ICAM1: variants seen among roughly 807,000 people sequenced by gnomAD.
ICAM1 encodes the protein intercellular adhesion molecule 1, also known as ICAM-1.
A neutral mutation model predicts 42.3 loss-of-function variants in ICAM1; 28 were observed. The ratio of observed to expected loss-of-function variants is 0.66; its 90% CI spans 0.49 to 0.91. The LOEUF is 0.91. Ranked by LOEUF, ICAM1 falls within the 40% of genes least tolerant of loss-of-function variation. ICAM1 has a pLI of 0.00. For synonymous variants in ICAM1, 304 were observed against 305.9 expected (o/e 0.99, Z 0.07); for missense variants, 637 against 688.6 (o/e 0.93, Z 0.84).
At chr19:10,280,656 G>A (rs140478754) in intron 2 of ICAM1, among the ~76,000 whole-genome samples, 143 of 151,688 alleles carry the variant, frequency 9.4e-4, no homozygotes, top group African/African-American at 3.1e-3. Flanking sequence ...CACAACCTCC[G>A]ACCCCCAGGA....
At position 10,283,803 on chromosome 19, in the gene ICAM1, C is replaced by G; in HGVS notation, c.637+17C>G. 1 of 1,580,276 alleles carries G rather than the reference C, an allele frequency of 6.3e-7. No individual in the cohort carries two copies. The highest frequency in any genetic ancestry group is 8.6e-7 in the Non-Finnish European group (1 of 1,163,196). On this transcript the variant is annotated intron_variant, in intron 3 of 6. Transcript: ENST00000264832. Reference sequence around the variant, plus strand: ...AGACCTTTGGTGAGGATTGAAGAAGCCAGCAGGGAGAAGGTGGGGGTGGGG... The same window carrying G: ...AGACCTTTGGTGAGGATTGAAGAAGGCAGCAGGGAGAAGGTGGGGGTGGGG...
intron 2 of ICAM1, among the ~76,000 whole-genome samples, chr19:10,281,095 G>T (rs185855646): frequency 6.6e-6 from 1 of 150,644 alleles, no homozygotes; most frequent in Non-Finnish European, 1.5e-5. Context: ...GGATGGTCTT[G>T]ATCTCCTGAC....
chr19:10,275,770 T>C (rs1461275385), intron 2 of ICAM1, among the ~76,000 whole-genome samples: 1 of 146,088 alleles, frequency 6.8e-6, no homozygotes, highest in Admixed American at 6.9e-5. Context: ...TGCAGTGGTG[T>C]GATCTCGGCT....
rs148562799 is a variant in ICAM1 at position 10,281,268 on chromosome 19, C to T, written c.332-2213C>T. Among the ~76,000 whole-genome samples the T allele has an allele frequency of 3.7e-4, 56 of 151,780 alleles. No individual in the cohort carries two copies. In the East Asian group the frequency reaches 8.5e-3, roughly 23 times the overall value. ...ACAGGCATAAGCCACCACGCCATGCCGAAGCCCAGCTTGTTTTTAATTTTT... is the reference window on the plus strand; with the variant it reads ...ACAGGCATAAGCCACCACGCCATGCTGAAGCCCAGCTTGTTTTTAATTTTT... On this transcript the variant is annotated intron_variant, in intron 2 of 6. Transcript: ENST00000264832.
chr19:10,276,806 T>A (rs2145491946), intron 2 of ICAM1, among the ~76,000 whole-genome samples: 2 of 151,532 alleles, frequency 1.3e-5, no homozygotes, highest in Middle Eastern at 6.8e-3. Flanking sequence ...ACCCCGTCTC[T>A]ATTAAAAATA....
At chr19:10,277,719 C>G (rs886206716) in intron 2 of ICAM1, among the ~76,000 whole-genome samples, 3 of 152,074 alleles carry the variant, frequency 2.0e-5, no homozygotes, top group Non-Finnish European at 4.4e-5. Flanking sequence ...ATCTCCTGAC[C>G]TTGTGATCTG....
intron 2 of ICAM1, among the ~76,000 whole-genome samples, chr19:10,280,999 G>T (rs1274800102): frequency 1.3e-5 from 2 of 151,068 alleles, no homozygotes; most frequent in Non-Finnish European, 2.9e-5. Context: ...TTAGCCTCCT[G>T]AGTAGCTGGG....
At chr19:10,276,371 C>T (rs1365204813) in intron 2 of ICAM1, among the ~76,000 whole-genome samples, 3 of 150,812 alleles carry the variant, frequency 2.0e-5, no homozygotes, top group Non-Finnish European at 4.4e-5. Context: ...TGGTGAAACC[C>T]CGTCTCTACT....
intron 2 of ICAM1, 68 bp downstream of exon 2, chr19:10,275,096 A>AC: frequency 7.9e-6 from 12 of 1,528,390 alleles, no homozygotes; most frequent in South Asian, 2.3e-5. Context: ...GGGCACCTGC[A>AC]GAGGCCTGGG....
chr19:10,271,332 G>A, intron 1 of ICAM1, 106 bp downstream of exon 1: 1 of 970,214 alleles, frequency 1.0e-6, no homozygotes, highest in Middle Eastern at 2.2e-4. Context: ...TGGGAAGGAG[G>A]GGCTAGAGAC....
chr19:10,279,162 T>C (rs776156867), intron 2 of ICAM1, among the ~76,000 whole-genome samples: 5 of 152,034 alleles, frequency 3.3e-5, no homozygotes, highest in Non-Finnish European at 7.4e-5. Context: ...TAGGAGTTCA[T>C]AAGGACAGGC....
At position 10,275,950 on chromosome 19, in the gene ICAM1, C is replaced by T. The variant is rs771717373; in HGVS notation, c.331+922C>T. Among the ~76,000 whole-genome samples, 266 of 151,058 alleles carry T rather than the reference C, an allele frequency of 1.8e-3. 1 individual carries two copies. The highest frequency in any genetic ancestry group is 2.2e-3 in the Non-Finnish European group (146 of 67,746). On this transcript the variant is annotated intron_variant, in intron 2 of 6. Transcript: ENST00000264832. ...GTCTCAATCTCCTGACCTAGTGGTC[C>T]GCCCGCCTCGGCCTCCCAAAGTGCT...
intron 1 of ICAM1, among the ~76,000 whole-genome samples, chr19:10,272,061 G>C (rs981633631): frequency 6.6e-6 from 1 of 152,160 alleles, no homozygotes. Context: ...CCAGGCGGGC[G>C]AATCACTTAA....
At chr19:10,275,151 C>A in intron 2 of ICAM1, 123 bp downstream of exon 2, 1 of 963,508 alleles carries the variant, frequency 1.0e-6, no homozygotes, top group Non-Finnish European at 1.6e-6. Context: ...GGGCTCCTTG[C>A]AGGGCAGGTG....
At position 10,283,352 on chromosome 19, in the gene ICAM1, C is replaced by A. The variant is rs373010242; in HGVS notation, c.332-129C>A. 8.4e-6 allele frequency: 7 copies of A among 832,936 alleles called. No individual in the cohort carries two copies. The East Asian group carries it at 1.3e-4, about 15-fold the overall frequency. 51.6% of individuals were successfully genotyped at this position (832,936 alleles called of 1,614,324 possible). A position where few individuals can be genotyped will look rare whatever the true frequency, so the allele number is the denominator to read the frequency against. ...TCACTGAAGATCTTGACATTCCTATCTGCTTAGGTGTCTGGGCGTGTTTGG... is the reference window on the plus strand; with the variant it reads ...TCACTGAAGATCTTGACATTCCTATATGCTTAGGTGTCTGGGCGTGTTTGG... On this transcript the variant is annotated intron_variant, in intron 2 of 6. Transcript: ENST00000264832.
intron 2 of ICAM1, among the ~76,000 whole-genome samples, chr19:10,281,026 A>G (rs1055386777): frequency 2.8e-5 from 4 of 144,374 alleles, no homozygotes; most frequent in Non-Finnish European, 6.1e-5. Context: ...GGCGCCCACC[A>G]CCACGCCTGG....
Position 10,271,210 on chromosome 19 carries a change from C to G in ICAM1, c.51C>G (p.Leu17=), listed in dbSNP as rs530490957. ...RPALPALLVL[L]GALFPGPGNA... is the part of the protein sequence containing the mutation. ...CGCTGCCCGCACTCCTGGTCCTGCT[C>G]GGGGCTCTGTTCCCAGGTGAGTCGG... Residue 17 remains leucine (L), a synonymous_variant, in exon 1 of 7, where the codon CTC becomes CTG. Coordinates refer to ENST00000264832, the MANE Select transcript of ICAM1 (RefSeq NM_000201.3). The G allele has an allele frequency of 5.6e-6, 9 of 1,613,338 alleles. No homozygotes were observed. The African/African-American group carries it at 6.7e-5, about 12-fold the overall frequency.
chr19:10,275,964 T>A (rs2040014052), intron 2 of ICAM1, among the ~76,000 whole-genome samples: 1 of 150,764 alleles, frequency 6.6e-6, no homozygotes, highest in African/African-American at 2.4e-5. Flanking sequence ...CGCCTCGGCC[T>A]CCCAAAGTGC....
In ICAM1 at chr19:10,271,174, C is replaced by T. The variant is rs1438484728; in HGVS notation, c.15C>T (p.Ser5=). The part of the protein sequence containing the change: MAPS[S]PRPALPALLV... ...TCAGCCTCGCTATGGCTCCCAGCAG[C>T]CCCCGGCCCGCGCTGCCCGCACTCC... The change falls in exon 1 of 7, where the codon AGC becomes AGT. Residue 5 remains serine (S), a synonymous_variant. Transcript: ENST00000264832. 3.1e-6 allele frequency: 5 copies of T among 1,612,356 alleles called. No individual in the cohort carries two copies. Among genetic ancestry groups the T allele is most frequent in the Admixed American group, 1.7e-5 (1 of 59,936 alleles).
Sources: allele counts gnomAD v4.1 joint callset (sites outside exome capture counted in the v4.1 genomes callset), GRCh38; gene constraint gnomAD v4.1.1; transcripts MANE v1.5; gene names NCBI Gene and HGNC (gene_info 2026-07-23, HGNC 2026-07-21).